Variants in FOXN3 observed in about 807,000 individuals in gnomAD.
The protein encoded by FOXN3 is forkhead box protein N3.
A neutral mutation model predicts 38.4 loss-of-function variants in FOXN3; 7 were observed. The observed-to-expected ratio is 0.18, with a 90% confidence interval of 0.10 to 0.34. FOXN3 has a LOEUF of 0.34. Ranked by LOEUF, FOXN3 falls within the 10% of genes least tolerant of loss-of-function variation. FOXN3 has a pLI of 1.00. For synonymous variants in FOXN3, 230 were observed against 242.2 expected, an observed-to-expected ratio of 0.95 and a Z score of 0.47; for missense variants, 456 against 613.4, an observed-to-expected ratio of 0.74 and a Z score of 2.71.
At chr14:89,199,839 G>A (rs182405797) in intron 4 of FOXN3, among the ~76,000 whole-genome samples, 1 of 152,288 alleles carries the variant, frequency 6.6e-6, no homozygotes, top group East Asian at 1.9e-4. Flanking sequence ...AGGAGGCAGA[G>A]GCTGTAGTAA....
intron 1 of FOXN3, among the ~76,000 whole-genome samples, chr14:89,571,277 G>A (rs1186931615): frequency 6.6e-6 from 1 of 152,184 alleles, no homozygotes; most frequent in Non-Finnish European, 1.5e-5. Context: ...GGGAAGCCGA[G>A]GTGGGTGGAT....
rs538669963 is a variant in FOXN3, at chr14:89,395,039, CT to C, written c.543+16894del. On this transcript the variant is annotated intron_variant, in intron 2 of 5. Coordinates refer to ENST00000557258, the MANE Select transcript of FOXN3 (RefSeq NM_005197.4). ...TTTTATTCTGACACTTCCCCAAAGC[CT>C]TTTGGAAATCACGCGTTCATGTGCA... Among the ~76,000 whole-genome samples, 10 of 152,326 alleles carry C rather than the reference CT, an allele frequency of 6.6e-5. No homozygotes were observed. In the South Asian group the frequency reaches 1.9e-3, roughly 28 times the overall value.
At chr14:89,282,279 GTTTTA>G (rs368808008) in intron 3 of FOXN3, among the ~76,000 whole-genome samples, 7,852 of 151,086 alleles carry the variant, frequency 0.052, 310 homozygotes, top group Non-Finnish European at 0.072. Context: ...TGAACCTTTT[GTTTTA>G]TTTTGTTTTG....
At chr14:89,289,994 C>T (rs143261083) in intron 3 of FOXN3, among the ~76,000 whole-genome samples, 216 of 152,224 alleles carry the variant, frequency 1.4e-3, no homozygotes, top group Non-Finnish European at 2.4e-3. Context: ...CAAGTCACCA[C>T]GTGGAACTAA....
chr14:89,389,170 CCT>C (rs1419794422), intron 2 of FOXN3, among the ~76,000 whole-genome samples: 2 of 152,072 alleles, frequency 1.3e-5, no homozygotes. Flanking sequence ...ATGGACAATT[CCT>C]CTTTTTTCCC....
intron 1 of FOXN3, among the ~76,000 whole-genome samples, chr14:89,554,678 T>C (rs1246163795): frequency 6.6e-6 from 1 of 150,680 alleles, no homozygotes; most frequent in Non-Finnish European, 1.5e-5. Flanking sequence ...AAACAACAAA[T>C]ACTACTAAAA....
chr14:89,322,064 C>T lies in FOXN3; in HGVS notation c.680+28608G>A, dbSNP rs1043452386. Among the ~76,000 whole-genome samples the T allele has an allele frequency of 6.6e-5, 10 of 152,330 alleles. No homozygotes were observed. In the East Asian group the frequency reaches 1.2e-3, roughly 18 times the overall value. ...AACCCTCTTTGGGTAATCTGAGGTC[C>T]GTGGGTGCCAGGGCCACAGTTGCCT... On this transcript the variant is annotated intron_variant, in intron 3 of 5. Transcript: ENST00000557258.
At chr14:89,506,383 G>A (rs1378126887) in intron 1 of FOXN3, among the ~76,000 whole-genome samples, 1 of 146,318 alleles carries the variant, frequency 6.8e-6, no homozygotes, top group African/African-American at 2.5e-5. Context: ...GGGCGCCTCT[G>A]CCCGGCCACC....
At chr14:89,180,417 C>A (rs555305536) in intron 5 of FOXN3, among the ~76,000 whole-genome samples, 6 of 152,278 alleles carry the variant, frequency 3.9e-5, no homozygotes, top group East Asian at 1.9e-4. Context: ...CTTCTGTTTT[C>A]TTCTGCCCAC....
chr14:89,157,099 CAAAT>C lies in FOXN3; in HGVS notation c.*5311_*5314del, dbSNP rs149219758. On this transcript the variant is annotated 3_prime_UTR_variant, in exon 6 of 6. Transcript: ENST00000557258. ...TGGAAAAACACTGTTGTATATATTC[CAAAT>C]AAATAGTCTCGATTTCAATGCTAAC... The C allele has an allele frequency of 6.6e-6, 1 of 152,668 alleles. No homozygotes were observed. The highest frequency in any genetic ancestry group is 2.4e-5 in the African/African-American group (1 of 41,528). 9.5% of individuals were successfully genotyped at this position (152,668 alleles called of 1,614,324 possible). A position where few individuals can be genotyped will look rare whatever the true frequency, so the allele number is the denominator to read the frequency against.
chr14:89,591,509 G>A (rs553088358), intron 1 of FOXN3, among the ~76,000 whole-genome samples: 71 of 152,294 alleles, frequency 4.7e-4, no homozygotes, highest in African/African-American at 1.7e-3. Context: ...CATGAGCAGC[G>A]CTACTCAGGC....
chr14:89,319,086 A>G (rs567779492), intron 3 of FOXN3, among the ~76,000 whole-genome samples: 75 of 152,326 alleles, frequency 4.9e-4, no homozygotes, highest in Non-Finnish European at 8.1e-4. Flanking sequence ...AGTCAAGGGA[A>G]GAATCAAAGA....
intron 4 of FOXN3, among the ~76,000 whole-genome samples, chr14:89,181,353 C>T (rs1887670667): frequency 1.3e-5 from 2 of 152,194 alleles, no homozygotes; most frequent in African/African-American, 4.8e-5. Context: ...AAAGCACCTC[C>T]CCATGCTTTG....
chr14:89,204,510 A>AT (rs1214178227), intron 4 of FOXN3, among the ~76,000 whole-genome samples: 2 of 152,218 alleles, frequency 1.3e-5, no homozygotes, highest in African/African-American at 2.4e-5. Context: ...AATGCTTGGT[A>AT]TTTTTTTTAA....
chr14:89,484,925 G>C lies in FOXN3; in HGVS notation c.-14-72435C>G, dbSNP rs897192984. Among the ~76,000 whole-genome samples the C allele has an allele frequency of 1.3e-5, 2 of 152,088 alleles. No homozygotes were observed. The highest frequency in any genetic ancestry group is 2.9e-5 in the Non-Finnish European group (2 of 67,994). On this transcript the variant is annotated intron_variant, in intron 1 of 6. Coordinates refer to the FOXN3 transcript ENST00000345097. The surrounding 1 kb of genome is among the most constrained non-coding windows in gnomAD (Gnocchi z 4.0). ...AACGTGCCTTGGGAGGCCAAGGCAG[G>C]AGGATCACTTGAGGTCAGGAGTTCG...
At position 89,550,796 on chromosome 14, in the gene FOXN3, A is replaced by C. The variant is rs369315427; in HGVS notation, c.-15+68232T>G. On this transcript the variant is annotated intron_variant, in intron 1 of 6. Transcript: ENST00000345097. ...GACCACTGTTTTTTGACTCTTCCCC[A>C]GAAGTAAAGGTACTGATTTTAATAC... Among the ~76,000 whole-genome samples the C allele has an allele frequency of 3.9e-5, 6 of 152,336 alleles. 1 individual carries two copies. Among genetic ancestry groups the C allele is most frequent in the African/African-American group, 1.4e-4 (6 of 41,582 alleles).
At chr14:89,416,444 C>G (rs1891727627) in intron 1 of FOXN3, among the ~76,000 whole-genome samples, 1 of 152,132 alleles carries the variant, frequency 6.6e-6, no homozygotes, top group Admixed American at 6.5e-5. Flanking sequence ...GGGGGTCGGG[C>G]CTCGGGGGTC....
intron 1 of FOXN3, among the ~76,000 whole-genome samples, chr14:89,519,380 AG>A (rs1445277574): frequency 1.3e-5 from 2 of 152,110 alleles, no homozygotes; most frequent in Non-Finnish European, 2.9e-5. Flanking sequence ...CATGAAAAAA[AG>A]GGTTGTGAAA....
intron 1 of FOXN3, among the ~76,000 whole-genome samples, chr14:89,500,452 C>A (rs1032451773): frequency 1.4e-4 from 21 of 152,206 alleles, no homozygotes; most frequent in African/African-American, 5.1e-4. Context: ...AGACTGATGA[C>A]ATCAGCCTTA....
Sources: gnomAD v4.1 joint callset for allele counts (sites outside exome capture counted in the v4.1 genomes callset) on GRCh38, gnomAD v4.1.1 for gene constraint, Gnocchi (gnomAD v3.1) non-coding constraint, MANE v1.5 for transcripts, NCBI Gene and HGNC (gene_info 2026-07-23, HGNC 2026-07-21) for gene names.